Variants in ARHGAP24 observed in about 807,000 individuals in gnomAD.
ARHGAP24 encodes Rho GTPase activating protein 24, also known as rho GTPase-activating protein 24.
In ARHGAP24, 50 loss-of-function variants were observed where a neutral mutation model predicts 76.4. The observed-to-expected ratio is 0.65, with a 90% CI of 0.52 to 0.83. The LOEUF is 0.83. ARHGAP24 is among the 40% of genes least tolerant of loss of function. ARHGAP24 has a pLI of 0.00. For synonymous variants in ARHGAP24, 345 were observed against 323.3 expected (o/e 1.07, Z -0.72); for missense variants, 930 against 914.2 (o/e 1.02, Z -0.22).
At chr4:85,566,841 G>A (rs1172006433) in intron 1 of ARHGAP24, among the ~76,000 whole-genome samples, 2 of 152,164 alleles carry the variant, frequency 1.3e-5, no homozygotes, top group South Asian at 4.1e-4. Flanking sequence ...TGATTCACAG[G>A]GTGATTAGTG....
intron 3 of ARHGAP24, among the ~76,000 whole-genome samples, chr4:85,817,276 T>C (rs1462685903): frequency 6.6e-6 from 1 of 152,228 alleles, no homozygotes; most frequent in Non-Finnish European, 1.5e-5. Context: ...ATAATTCCAT[T>C]TATCTATTTT....
chr4:85,597,479 A>C (rs1398116259), intron 2 of ARHGAP24, among the ~76,000 whole-genome samples: 1 of 152,054 alleles, frequency 6.6e-6, no homozygotes, highest in South Asian at 2.1e-4. Context: ...GGTGAGGGGT[A>C]AGGTGCAAAA....
chr4:85,797,983 T>A (rs1351823018), intron 3 of ARHGAP24, among the ~76,000 whole-genome samples: 2 of 152,206 alleles, frequency 1.3e-5, no homozygotes, highest in African/African-American at 4.8e-5. Context: ...TTGGGCTTTA[T>A]TTTTAAAATC....
intron 3 of ARHGAP24, among the ~76,000 whole-genome samples, chr4:85,853,591 C>T (rs536759159): frequency 6.6e-6 from 1 of 152,256 alleles, no homozygotes; most frequent in South Asian, 2.1e-4. Flanking sequence ...TGGAGCTCTT[C>T]CTATTCGGCC....
Position 85,591,030 on chromosome 4 carries a change from G to GTTTTTTTTTT in ARHGAP24, c.180+20309_180+20310insTTTTTTTTTT, listed in dbSNP as rs1560544158. On this transcript the variant is annotated intron_variant, in intron 2 of 9. Transcript: ENST00000395184. ...CAGCACTAACCTGTAAAATCTGCTG[G>GTTTTTTTTTT]GTTTTTTTTTTTTTTTTTTTTTTTT... 1.5e-4 allele frequency among the ~76,000 whole-genome samples: 18 copies of GTTTTTTTTTT among 121,888 alleles called. 1 individual carries two copies. Among genetic ancestry groups the GTTTTTTTTTT allele is most frequent in the African/African-American group, 4.7e-4 (15 of 31,678 alleles). The allele number at this position is 121,888 out of a possible 152,430, so 80.0% of individuals were successfully genotyped here.
At chr4:85,987,697 G>T (rs1009193663) in intron 8 of ARHGAP24, among the ~76,000 whole-genome samples, 3 of 151,890 alleles carry the variant, frequency 2.0e-5, no homozygotes, top group African/African-American at 7.2e-5. Flanking sequence ...TTAATAGCAG[G>T]TTAGGAGAAA....
chr4:85,614,646 T>G (rs1486614438), intron 2 of ARHGAP24, among the ~76,000 whole-genome samples: 1 of 152,116 alleles, frequency 6.6e-6, no homozygotes, highest in Non-Finnish European at 1.5e-5. Flanking sequence ...TAGGCTGGAT[T>G]TAAATGGCTC....
intron 3 of ARHGAP24, among the ~76,000 whole-genome samples, chr4:85,812,227 A>T (rs1268767589): frequency 6.9e-6 from 1 of 145,782 alleles, no homozygotes; most frequent in East Asian, 2.1e-4. Context: ...TCTGTTAAGT[A>T]TTGGAGCGCC....
At chr4:85,828,911 A>C (rs1181466444) in intron 3 of ARHGAP24, among the ~76,000 whole-genome samples, 1 of 152,134 alleles carries the variant, frequency 6.6e-6, no homozygotes, top group Non-Finnish European at 1.5e-5. Flanking sequence ...AAGTATAGGA[A>C]TTTGGTACTG....
At chr4:85,783,627 G>A (rs897567023) in intron 3 of ARHGAP24, among the ~76,000 whole-genome samples, 1 of 152,072 alleles carries the variant, frequency 6.6e-6, no homozygotes, top group African/African-American at 2.4e-5. Context: ...ATTTCCTTCT[G>A]TCTGAGTAAG....
At chr4:85,576,500 C>A (rs1025824178) in intron 2 of ARHGAP24, among the ~76,000 whole-genome samples, 1 of 151,770 alleles carries the variant, frequency 6.6e-6, no homozygotes, top group African/African-American at 2.4e-5. Context: ...ATCTAGAAAT[C>A]TCTAAGGCAA....
rs192656134 is a variant in ARHGAP24 at position 85,480,029 on chromosome 4, C to A, written c.-21+4470C>A. On this transcript the variant is annotated intron_variant, in intron 1 of 9. Coordinates refer to ENST00000395184, the MANE Select transcript of ARHGAP24 (RefSeq NM_001025616.3). ...CGCTAATTGCTCTAAGTTTTCTAAA[C>A]TCTCTATCTATATCAAATTACATAA... 1.1e-4 allele frequency among the ~76,000 whole-genome samples: 16 copies of A among 152,266 alleles called. No homozygotes were observed. In the East Asian group the frequency reaches 3.1e-3, roughly 29 times the overall value.
chr4:85,642,859 C>G (rs920714150), intron 2 of ARHGAP24, among the ~76,000 whole-genome samples: 1 of 152,080 alleles, frequency 6.6e-6, no homozygotes, highest in Non-Finnish European at 1.5e-5. Flanking sequence ...GCAATAGTCC[C>G]GTCGTTCTCA....
chr4:85,703,304 G>A (rs1246090861), intron 2 of ARHGAP24, among the ~76,000 whole-genome samples: 1 of 152,148 alleles, frequency 6.6e-6, no homozygotes, highest in African/African-American at 2.4e-5. Context: ...TCTGCATTGA[G>A]TGTGGTAGAT....
chr4:85,493,168 A>G lies in ARHGAP24; in HGVS notation c.-21+17609A>G, dbSNP rs1288165006. On this transcript the variant is annotated intron_variant, in intron 1 of 9. Coordinates refer to ENST00000395184, the MANE Select transcript of ARHGAP24 (RefSeq NM_001025616.3). ...ATTTGTCTAAATACTACTGATGTTA[A>G]CTCCAATTATTCATTCTAGGCTGGC... Among the ~76,000 whole-genome samples, 7 of 152,242 alleles carry G rather than the reference A, an allele frequency of 4.6e-5. 1 individual carries two copies. The highest frequency in any genetic ancestry group is 5.9e-5 in the Non-Finnish European group (4 of 68,014).
chr4:85,961,616 A>G (rs1243631310), intron 5 of ARHGAP24, among the ~76,000 whole-genome samples: 1 of 152,150 alleles, frequency 6.6e-6, no homozygotes, highest in East Asian at 1.9e-4. Flanking sequence ...GACATGCAGT[A>G]AAGTCATTGT....
intron 8 of ARHGAP24, among the ~76,000 whole-genome samples, chr4:85,988,497 C>T (rs2575682): frequency 0.34 from 51,907 of 150,752 alleles, 10,207 homozygotes; most frequent in Non-Finnish European, 0.45. Context: ...AAAAGTAGAC[C>T]GTAATAAATT....
chr4:85,559,324 C>T (rs1345372133), intron 1 of ARHGAP24, among the ~76,000 whole-genome samples: 5 of 152,156 alleles, frequency 3.3e-5, no homozygotes, highest in Non-Finnish European at 7.4e-5. Context: ...TCATGTACAA[C>T]ATCATGTTTG....
chr4:85,851,699 C>G (rs1731244094), intron 3 of ARHGAP24, among the ~76,000 whole-genome samples: 1 of 152,170 alleles, frequency 6.6e-6, no homozygotes, highest in Admixed American at 6.5e-5. Context: ...GTTTCTCCTT[C>G]ACTTATGAAG....
Sources: gnomAD v4.1 joint callset for allele counts (sites outside exome capture counted in the v4.1 genomes callset) on GRCh38, gnomAD v4.1.1 for gene constraint, MANE v1.5 for transcripts, NCBI Gene and HGNC (gene_info 2026-07-23, HGNC 2026-07-21) for gene names.